Variants in KHDC1L observed in about 807,000 individuals in gnomAD.
KHDC1L encodes KHDC1-like protein.
In KHDC1L, 5 loss-of-function variants were observed where a neutral mutation model predicts 11.2. That is an observed-to-expected ratio of 0.45 (90% CI 0.23 to 0.94). The LOEUF is 0.94. Ranked by LOEUF, KHDC1L falls within the 40% of genes least tolerant of loss-of-function variation. The pLI is 0.22. For missense variants in KHDC1L, 168 were observed against 165.8 expected (o/e 1.01, Z -0.07); for synonymous variants, 66 against 62.7 (o/e 1.05, Z -0.25).
At chr6:73,224,065 A>G in intron 2 of KHDC1L, 101 bp downstream of exon 2, 1 of 1,365,110 alleles carries the variant, frequency 7.3e-7, no homozygotes, top group Admixed American at 2.6e-5. Context: ...TGGATTCCCC[A>G]GCCACACAAG....
intron 2 of KHDC1L, 112 bp downstream of exon 2, chr6:73,224,054 C>G: frequency 7.6e-7 from 1 of 1,308,358 alleles, no homozygotes; most frequent in Non-Finnish European, 1.0e-6. Context: ...TGGGAAGCAC[C>G]TGGATTCCCC....
intron 2 of KHDC1L, 35 bp from the exon 3 acceptor site, chr6:73,223,874 G>A: frequency 6.6e-7 from 1 of 1,514,736 alleles, no homozygotes; most frequent in South Asian, 1.2e-5. Context: ...AAGAACCAGA[G>A]TCCCATTACT....
At chr6:73,224,034 C>A in intron 2 of KHDC1L, 132 bp downstream of exon 2, 1 of 1,181,106 alleles carries the variant, frequency 8.5e-7, no homozygotes, top group Non-Finnish European at 1.2e-6. Flanking sequence ...CTTCCCTTCC[C>A]AATGGACTCT....
At chr6:73,225,153 G>A in intron 1 of KHDC1L, 144 bp downstream of exon 1, 2 of 619,880 alleles carry the variant, frequency 3.2e-6, no homozygotes, top group Non-Finnish European at 5.3e-6. Context: ...TGTAATCCCA[G>A]GTACTCTGCA....
At chr6:73,224,956 G>A (rs1388573286) in intron 1 of KHDC1L, among the ~76,000 whole-genome samples, 1 of 150,634 alleles carries the variant, frequency 6.6e-6, no homozygotes, top group African/African-American at 2.4e-5. Flanking sequence ...GATGGCGGGC[G>A]CCTGTAGTCC....
Position 73,223,634 on chromosome 6 carries a change from G to C in KHDC1L, c.*114C>G. On this transcript the variant is annotated 3_prime_UTR_variant, in exon 3 of 3. Coordinates refer to ENST00000370388, the MANE Select transcript of KHDC1L (RefSeq NM_001126063.3). ...CTTCCCTCAGACACATGCCTAGAAG[G>C]CCTGAGAGGGGCAGGTCTGGCCACA... 1.3e-6 allele frequency: 1 copy of C among 775,040 alleles called. No homozygotes were observed. The highest frequency in any genetic ancestry group is 2.1e-6 in the Non-Finnish European group (1 of 466,124). 48.0% of individuals were successfully genotyped at this position (775,040 alleles called of 1,614,324 possible).
At position 73,224,318 on chromosome 6, in the gene KHDC1L, T is replaced by C; in HGVS notation, c.143A>G (p.Glu48Gly). The C allele has an allele frequency of 6.3e-7, 1 of 1,593,488 alleles. No homozygotes were observed. The highest frequency in any genetic ancestry group is 8.6e-7 in the Non-Finnish European group (1 of 1,169,250). ...GLDDTYLRCI[E>G]LHSHTLIQLE... is the part of the protein sequence containing the mutation. ...CTGAATAAGGGTGTGGCTGTGCAGC[T>C]CAATGCAGCGAAGGTACGTGTCATC... The change falls in exon 2 of 3, where the codon GAG becomes GGG. Residue 48 changes from glutamate to glycine, a missense_variant. By Grantham distance (98) the Glu-to-Gly change is moderately conservative. Coordinates refer to ENST00000370388, the MANE Select transcript of KHDC1L (RefSeq NM_001126063.3).
In KHDC1L at chr6:73,223,666, A is replaced by T; in HGVS notation, c.*82T>A. The stretch of plus-strand genomic sequence containing the variant: ...AGGGGCAGGTCTGGCCACAAATTCA[A>T]ACTTTCTTCAGTGTTTTTCATGTCT... On this transcript the variant is annotated 3_prime_UTR_variant, in exon 3 of 3. Coordinates refer to ENST00000370388, the MANE Select transcript of KHDC1L (RefSeq NM_001126063.3). The T allele has an allele frequency of 1.6e-6, 2 of 1,218,338 alleles. No individual in the cohort carries two copies. The highest frequency in any genetic ancestry group is 2.3e-6 in the Non-Finnish European group (2 of 853,064). 75.5% of individuals were successfully genotyped at this position (1,218,338 alleles called of 1,614,324 possible).
intron 1 of KHDC1L, among the ~76,000 whole-genome samples, chr6:73,225,037 C>G (rs1007332860): frequency 3.4e-5 from 5 of 149,072 alleles, no homozygotes; most frequent in Admixed American, 3.4e-4. Flanking sequence ...GAGCCGAGAT[C>G]GCGCCACTGC....
At chr6:73,223,985 C>G in intron 2 of KHDC1L, 146 bp from the exon 3 acceptor site, 1 of 975,698 alleles carries the variant, frequency 1.0e-6, no homozygotes, top group Non-Finnish European at 1.5e-6. Context: ...CCCTGCTACC[C>G]TCTCCTCCCT....
At chr6:73,225,255 A>G in intron 1 of KHDC1L, 42 bp downstream of exon 1, 4 of 1,562,672 alleles carry the variant, frequency 2.6e-6, no homozygotes, top group Non-Finnish European at 3.5e-6. Flanking sequence ...AAATAAAAAT[A>G]AAAAACAGAT....
intron 1 of KHDC1L, among the ~76,000 whole-genome samples, chr6:73,224,793 AAC>A (rs1161785723): frequency 4.1e-5 from 6 of 144,674 alleles, no homozygotes; most frequent in Non-Finnish European, 9.1e-5. Flanking sequence ...AAAAAAAAAA[AAC>A]ACGAGGCCGG....
chr6:73,225,011 A>C (rs1205560858), intron 1 of KHDC1L, among the ~76,000 whole-genome samples: 1 of 147,850 alleles, frequency 6.8e-6, no homozygotes, highest in Non-Finnish European at 1.5e-5. Context: ...TGAACCCGGG[A>C]GGCAGAGCTT....
Position 73,225,076 on chromosome 6 carries a change from C to T in KHDC1L, c.112+221G>A, listed in dbSNP as rs372749982. 2.1e-5 allele frequency among the ~76,000 whole-genome samples: 3 copies of T among 145,118 alleles called. No individual in the cohort carries two copies. The South Asian group carries it at 6.7e-4, about 32-fold the overall frequency. On this transcript the variant is annotated intron_variant, in intron 1 of 2. Transcript: ENST00000370388. ...CCAGCCTGGGCGGCAGAGCAAGACT[C>T]CGTCTCGAGTCTCAAAAAAAAAAAA... is the stretch of plus-strand genomic sequence containing the variant.
chr6:73,225,339 T>A lies in KHDC1L; in HGVS notation c.70A>T (p.Met24Leu), dbSNP rs751527249. The A allele has an allele frequency of 2.5e-6, 4 of 1,613,954 alleles. No individual in the cohort carries two copies. Among genetic ancestry groups the A allele is most frequent in the Non-Finnish European group, 3.4e-6 (4 of 1,179,910 alleles). Residue 24 changes from methionine to leucine, a missense_variant, in exon 1 of 3, where the codon ATG becomes TTG. Physicochemically the swap from Met to Leu is conservative, Grantham distance 15. Coordinates refer to ENST00000370388, the MANE Select transcript of KHDC1L (RefSeq NM_001126063.3). ...WTLPENFHSP[M>L]VFHMEEDQEE... Reference sequence around the variant, plus strand: ...TGGTCCTCTTCCATGTGGAACACCATTGGAGAATGAAAGTTTTCGGGCAGG... The same window carrying A: ...TGGTCCTCTTCCATGTGGAACACCAATGGAGAATGAAAGTTTTCGGGCAGG...
intron 1 of KHDC1L, among the ~76,000 whole-genome samples, chr6:73,225,089 CAAA>C (rs774109371): frequency 1.1e-4 from 11 of 95,856 alleles, no homozygotes; most frequent in Admixed American, 2.4e-4. Context: ...TCTCGAGTCT[CAAA>C]AAAAAAAAAA....
intron 1 of KHDC1L, 84 bp downstream of exon 1, chr6:73,225,213 G>T: frequency 7.7e-7 from 1 of 1,290,382 alleles, no homozygotes; most frequent in Non-Finnish European, 1.1e-6. Context: ...GTTGCAGTGA[G>T]CCAAGATCAC....
rs1472808910 is a variant in KHDC1L, at chr6:73,225,279, T to C, written c.112+18A>G. 1.9e-6 allele frequency: 3 copies of C among 1,608,970 alleles called. No individual in the cohort carries two copies. The highest frequency in any genetic ancestry group is 2.5e-6 in the Non-Finnish European group (3 of 1,176,698). On this transcript the variant is annotated intron_variant, in intron 1 of 2. Transcript: ENST00000370388. ...TAAAAAACAGATGAAGGAGGGGACGTGGGCAAAGGCCACTCACCGAAGATG... is the reference window on the plus strand; with the variant it reads ...TAAAAAACAGATGAAGGAGGGGACGCGGGCAAAGGCCACTCACCGAAGATG...
At position 73,223,675 on chromosome 6, in the gene KHDC1L, C is replaced by T; in HGVS notation, c.*73G>A. ...TCTGGCCACAAATTCAAACTTTCTT[C>T]AGTGTTTTTCATGTCTTTCTCACCA... On this transcript the variant is annotated 3_prime_UTR_variant, in exon 3 of 3. Transcript: ENST00000370388. 1 of 1,279,590 alleles carries T rather than the reference C, an allele frequency of 7.8e-7. No individual in the cohort carries two copies. 79.3% of individuals were successfully genotyped at this position (1,279,590 alleles called of 1,614,324 possible).
Sources: allele counts gnomAD v4.1 joint callset (sites outside exome capture counted in the v4.1 genomes callset), GRCh38; gene constraint gnomAD v4.1.1; transcripts MANE v1.5; gene names NCBI Gene and HGNC (gene_info 2026-07-23, HGNC 2026-07-21).